Variants in ZNF534 observed in about 807,000 individuals in gnomAD.
ZNF534 encodes zinc finger protein 534.
In ZNF534, 19 loss-of-function variants were observed where a neutral mutation model predicts 13.6. The ratio of observed to expected loss-of-function variants is 1.40; its 90% CI spans 0.97 to 2.05. The LOEUF (loss-of-function observed/expected upper bound fraction) is 2.05, where lower values mean the gene tolerates loss of function less well. Among genes scored for constraint, ZNF534 ranks in the 30% most tolerant of loss-of-function variants. The pLI, the probability that ZNF534 is intolerant of heterozygous loss-of-function variation, is 0.00. For synonymous variants in ZNF534, 244 were observed against 273.8 expected, an observed-to-expected ratio of 0.89 and a Z score of 1.07; for missense variants, 782 against 796.3, an observed-to-expected ratio of 0.98 and a Z score of 0.22.
chr19:52,430,845 C>CTTTTTTTT (rs55783711), intron 1 of ZNF534, among the ~76,000 whole-genome samples: 1 of 144,254 alleles, frequency 6.9e-6, no homozygotes, highest in African/African-American at 2.6e-5. Context: ...CACACATGGC[C>CTTTTTTTT]TTTTTTTTTT....
At chr19:52,447,307 T>C (rs1316328687), downstream of ZNF534, among the ~76,000 whole-genome samples, 1 of 152,228 alleles carries the variant, frequency 6.6e-6, no homozygotes, top group Admixed American at 6.5e-5. Flanking sequence ...ATAACTAATA[T>C]ATTCTGTTAA....
intron 4 of ZNF534, among the ~76,000 whole-genome samples, chr19:52,450,832 G>A (rs1032162597): frequency 6.6e-6 from 1 of 151,608 alleles, no homozygotes; most frequent in Non-Finnish European, 1.5e-5. Flanking sequence ...GACCACAGGT[G>A]CATGCCACCG....
chr19:52,451,547 G>A (rs1452655455), exon 5 of ZNF534: 3 of 602,776 alleles, frequency 5.0e-6, no homozygotes, highest in Non-Finnish European at 8.8e-6. Context: ...GGAGGAGGGC[G>A]GCATGCAGCT....
chr19:52,441,880 A>G lies in ZNF534; in HGVS notation c.*2434A>G, dbSNP rs2059175073. 6.6e-6 allele frequency among the ~76,000 whole-genome samples: 1 copy of G among 152,254 alleles called. No individual in the cohort carries two copies. Among genetic ancestry groups the G allele is most frequent in the African/African-American group, 2.4e-5 (1 of 41,482 alleles). On this transcript the variant is annotated 3_prime_UTR_variant, in exon 5 of 5. Transcript: ENST00000433050. ...TTTAGTCACAATTCACACCTTGGAC[A>G]GCATCAGATAATTTATTCATGAAAG...
chr19:52,444,649 A>C (rs375716252), downstream of ZNF534, among the ~76,000 whole-genome samples: 2 of 151,910 alleles, frequency 1.3e-5, no homozygotes, highest in Non-Finnish European at 2.9e-5. Flanking sequence ...GTCTGAGCTC[A>C]GACTCTCCTT....
chr19:52,445,345 T>TTG (rs1224158806), downstream of ZNF534, among the ~76,000 whole-genome samples: 1 of 152,088 alleles, frequency 6.6e-6, no homozygotes, highest in African/African-American at 2.4e-5. Context: ...TACAAGCACA[T>TTG]GCCACCATGC....
rs1445914666 is a variant in ZNF534 at position 52,433,943 on chromosome 19, A to T, written c.16-12A>T. 3.0e-5 allele frequency: 48 copies of T among 1,613,508 alleles called. No individual in the cohort carries two copies. The highest frequency in any genetic ancestry group is 3.9e-5 in the Non-Finnish European group (46 of 1,179,768). ...TCCATACCCTGTTTTTGAAATGTGG[A>T]TTTCCTTTTAGGGGCAATTGTCATT... On this transcript the variant is annotated splice_polypyrimidine_tract_variant and intron_variant, in intron 2 of 4. Transcript: ENST00000433050.
At position 52,436,360 on chromosome 19, in the gene ZNF534, A is replaced by T. The variant is rs751394586; in HGVS notation, c.271+1151A>T. ...ATATGTCAAGTCTCTTTTTTTGTTGATGCTATCAAACTTTGTCTCTGTCTC... is the reference window on the plus strand; with the variant it reads ...ATATGTCAAGTCTCTTTTTTTGTTGTTGCTATCAAACTTTGTCTCTGTCTC... On this transcript the variant is annotated intron_variant, in intron 4 of 4. Coordinates refer to ENST00000433050, the MANE Select transcript of ZNF534 (RefSeq NM_001143938.3). Among the ~76,000 whole-genome samples the T allele has an allele frequency of 6.0e-4, 92 of 152,194 alleles. 2 individuals are homozygous for T. Among genetic ancestry groups the T allele is most frequent in the Admixed American group, 4.3e-3 (65 of 15,280 alleles).
At position 52,430,013 on chromosome 19, in the gene ZNF534, ATTTT is replaced by A. The variant is rs907077203; in HGVS notation, c.-68+776_-68+779del. Among the ~76,000 whole-genome samples the A allele has an allele frequency of 8.7e-3, 1,263 of 145,746 alleles. 22 individuals are homozygous for A. The highest frequency in any genetic ancestry group is 0.039 in the Middle Eastern group (11 of 282). ...ACATGAGTATTGATTGATGCTGACA[ATTTT>A]TTTTTTGGGTTTTTTTGAGACAGAG... On this transcript the variant is annotated intron_variant, in intron 1 of 4. Coordinates refer to ENST00000433050, the MANE Select transcript of ZNF534 (RefSeq NM_001143938.3).
chr19:52,433,602 G>A (rs535113791), intron 2 of ZNF534, among the ~76,000 whole-genome samples: 242 of 152,190 alleles, frequency 1.6e-3, no homozygotes, highest in Middle Eastern at 6.8e-3. Flanking sequence ...TCCTGACCTC[G>A]TGATCCGACC....
intron 4 of ZNF534, among the ~76,000 whole-genome samples, chr19:52,449,190 C>A (rs2059204277): frequency 6.6e-6 from 1 of 152,122 alleles, no homozygotes; most frequent in Admixed American, 6.5e-5. Flanking sequence ...AGATTTTATT[C>A]TTTTTAAAGG....
chr19:52,435,055 CATTT>C, intron 3 of ZNF534, 22 bp from the exon 4 acceptor site: 2 of 1,607,834 alleles, frequency 1.2e-6, no homozygotes, highest in Non-Finnish European at 1.7e-6. Flanking sequence ...CCACAGCACA[CATTT>C]ATTCTTTCTT....
At chr19:52,447,373 A>T (rs2059198084), downstream of ZNF534, among the ~76,000 whole-genome samples, 1 of 152,010 alleles carries the variant, frequency 6.6e-6, no homozygotes. Context: ...TTATTTCTTT[A>T]TTTCACTGGG....
chr19:52,429,270 A>AT (rs2059070534), intron 1 of ZNF534, 26 bp downstream of exon 1: 1 of 152,218 alleles, frequency 6.6e-6, no homozygotes, highest in African/African-American at 2.4e-5. Context: ...TCTAGATTAA[A>AT]TTTAGGCTGC....
At chr19:52,451,465 T>C (rs1430737937) in exon 5 of ZNF534, 2 of 585,904 alleles carry the variant, frequency 3.4e-6, no homozygotes, top group Admixed American at 6.7e-5. Flanking sequence ...TGTCCAGCGT[T>C]GGCCGCCTGA....
chr19:52,450,089 G>T (rs2122731050), intron 4 of ZNF534, among the ~76,000 whole-genome samples: 1 of 152,254 alleles, frequency 6.6e-6, no homozygotes, highest in Non-Finnish European at 1.5e-5. Context: ...TTGTCAAAAG[G>T]ATAGACTGTA....
At position 52,439,178 on chromosome 19, in the gene ZNF534, C is replaced by T; in HGVS notation, c.1718C>T (p.Thr573Ile). ...CTTGCGCGACATAGGAATATTCATA[C>T]TGGAGAGAAGCCTCACAGTTGTAAT... The part of the protein sequence containing the change: ...SHLARHRNIH[T>I]GEKPHSCNEC... Residue 573 changes from threonine (T) to isoleucine (I), a missense_variant, in exon 5 of 5, where the codon ACT becomes ATT. By Grantham distance (89) the Thr-to-Ile change is moderately conservative (BLOSUM62 -1). Transcript: ENST00000433050. 3 of 1,543,820 alleles carry T rather than the reference C, an allele frequency of 1.9e-6. No homozygotes were observed. The highest frequency in any genetic ancestry group is 2.6e-6 in the Non-Finnish European group (3 of 1,140,962).
chr19:52,444,784 A>G (rs1480261074), downstream of ZNF534, among the ~76,000 whole-genome samples: 5 of 152,144 alleles, frequency 3.3e-5, no homozygotes, highest in Non-Finnish European at 7.4e-5. Flanking sequence ...AGTGAGGGAA[A>G]GCCGGTAGTC....
At chr19:52,436,107 T>G (rs1396568063) in intron 4 of ZNF534, among the ~76,000 whole-genome samples, 1 of 151,758 alleles carries the variant, frequency 6.6e-6, no homozygotes, top group Non-Finnish European at 1.5e-5. Context: ...TGGCTAATTT[T>G]TTTTGTATTT....
Sources: allele counts gnomAD v4.1 joint callset (sites outside exome capture counted in the v4.1 genomes callset), GRCh38; gene constraint gnomAD v4.1.1; transcripts MANE v1.5; gene names NCBI Gene and HGNC (gene_info 2026-07-23, HGNC 2026-07-21).